SRL: variants seen among roughly 807,000 people sequenced by gnomAD.
SRL encodes sarcalumenin.
In SRL, 23 loss-of-function variants were observed where a neutral mutation model predicts 39.5. The observed-to-expected ratio is 0.58, with a 90% CI of 0.42 to 0.82. The LOEUF is 0.82. SRL is among the 40% of genes least tolerant of loss of function. The pLI is 0.00. For missense variants in SRL, 592 were observed against 607.8 expected (o/e 0.97, Z 0.27); for synonymous variants, 272 against 237.4 (o/e 1.15, Z -1.34).
intron 1 of SRL, among the ~76,000 whole-genome samples, chr16:4,230,678 A>T (rs374224173): frequency 4.6e-5 from 7 of 151,740 alleles, no homozygotes; most frequent in South Asian, 4.2e-4. Flanking sequence ...GTGAGCCACC[A>T]CACCCAGGAA....
At chr16:4,203,418 A>T (rs7185110) in intron 2 of SRL, among the ~76,000 whole-genome samples, 157 bp from the exon 3 acceptor site, 16,760 of 152,178 alleles carry the variant, frequency 0.11, 2,822 homozygotes, top group African/African-American at 0.36. Flanking sequence ...GTATTTGCAT[A>T]TGGGGAGCTG....
intron 1 of SRL, among the ~76,000 whole-genome samples, chr16:4,227,841 G>A (rs1167392003): frequency 6.6e-6 from 1 of 152,176 alleles, no homozygotes; most frequent in Non-Finnish European, 1.5e-5. Flanking sequence ...CTGCTGAGTT[G>A]CAGGGCCTCC....
chr16:4,203,132 A>T, intron 3 of SRL, 34 bp downstream of exon 3: 1 of 1,593,800 alleles, frequency 6.3e-7, no homozygotes, highest in South Asian at 1.1e-5. Flanking sequence ...CCGTACCCGT[A>T]ATCTCAAGCC....
In SRL at chr16:4,233,705, T is replaced by C. The variant is rs7185837; in HGVS notation, c.61+8302A>G. Reference sequence around the variant, plus strand: ...ACAGGGCTGACAAGGGGCTGAGAGATGGGCCTCACAGGGAGGGACCCACAG... The same window carrying C: ...ACAGGGCTGACAAGGGGCTGAGAGACGGGCCTCACAGGGAGGGACCCACAG... On this transcript the variant is annotated intron_variant, in intron 1 of 5. Transcript: ENST00000399609. Among the ~76,000 whole-genome samples the C allele has an allele frequency of 2.1e-3, 315 of 152,240 alleles. 1 individual carries two copies. Among genetic ancestry groups the C allele is most frequent in the African/African-American group, 7.3e-3 (305 of 41,546 alleles).
chr16:4,210,913 G>A (rs935017895), intron 1 of SRL, among the ~76,000 whole-genome samples: 5 of 152,160 alleles, frequency 3.3e-5, no homozygotes, highest in Non-Finnish European at 5.9e-5. Flanking sequence ...GAGCCTGTTA[G>A]AGACGCAGAC....
At chr16:4,222,629 C>G (rs1006967935) in intron 1 of SRL, among the ~76,000 whole-genome samples, 3 of 152,134 alleles carry the variant, frequency 2.0e-5, no homozygotes, top group Non-Finnish European at 4.4e-5. Flanking sequence ...CTGCTAGAGG[C>G]TGGTGCCTGT....
Position 4,234,818 on chromosome 16 carries a change from T to C in SRL, c.61+7189A>G, listed in dbSNP as rs139413859. On this transcript the variant is annotated intron_variant, in intron 1 of 5. Coordinates refer to ENST00000399609, the MANE Select transcript of SRL (RefSeq NM_001098814.2). ...GGACCCAGAAGAGAAACCCCTGCTA[T>C]GTAGCTCAGTCCCTCTGCGCTCAGA... Among the ~76,000 whole-genome samples the C allele has an allele frequency of 5.1e-3, 771 of 152,328 alleles. 1 individual carries two copies. Among genetic ancestry groups the C allele is most frequent in the Non-Finnish European group, 7.7e-3 (523 of 68,032 alleles).
intron 1 of SRL, among the ~76,000 whole-genome samples, chr16:4,215,131 G>T (rs182914812): frequency 6.6e-6 from 1 of 152,156 alleles, no homozygotes. Context: ...ATAAGGACCC[G>T]AGAAGAGAAA....
chr16:4,234,233 A>G (rs552759526), intron 1 of SRL, among the ~76,000 whole-genome samples: 1 of 152,274 alleles, frequency 6.6e-6, no homozygotes, highest in South Asian at 2.1e-4. Flanking sequence ...GGCTCAAGCA[A>G]TCCTGCCGCC....
At chr16:4,204,852 G>A (rs1428248152) in intron 1 of SRL, among the ~76,000 whole-genome samples, 1 of 152,208 alleles carries the variant, frequency 6.6e-6, no homozygotes, top group African/African-American at 2.4e-5. Context: ...CTGGTCCACA[G>A]CTCAACCTGC....
At chr16:4,220,330 C>T (rs2052509977) in intron 1 of SRL, among the ~76,000 whole-genome samples, 1 of 136,038 alleles carries the variant, frequency 7.4e-6, no homozygotes, top group South Asian at 2.3e-4. Context: ...TGTGGTGGCA[C>T]ACAGCTACTC....
chr16:4,204,427 A>AGAT (rs1295683387), intron 2 of SRL, 106 bp downstream of exon 2: 9 of 1,070,478 alleles, frequency 8.4e-6, no homozygotes, highest in Admixed American at 1.9e-5. Flanking sequence ...CCGGCCTCCA[A>AGAT]GATACAGCCC....
chr16:4,197,665 G>A (rs951117132), intron 4 of SRL, 134 bp downstream of exon 4: 19 of 711,946 alleles, frequency 2.7e-5, no homozygotes, highest in African/African-American at 1.6e-4. Flanking sequence ...GGCCTCAAGT[G>A]ATCCACTGCC....
intron 1 of SRL, among the ~76,000 whole-genome samples, chr16:4,239,279 GA>G (rs1231682600): frequency 4.6e-5 from 7 of 152,334 alleles, no homozygotes; most frequent in African/African-American, 1.7e-4. Context: ...GGCACTCACA[GA>G]GGGGCAGCCC....
intron 5 of SRL, 120 bp from the exon 6 acceptor site, chr16:4,193,084 G>A: frequency 2.4e-6 from 2 of 839,826 alleles, no homozygotes; most frequent in Non-Finnish European, 3.6e-6. Flanking sequence ...GGATTTTCTG[G>A]GTTTCTACAG....
chr16:4,201,303 G>A (rs986139362), intron 3 of SRL, among the ~76,000 whole-genome samples: 2 of 151,898 alleles, frequency 1.3e-5, no homozygotes, highest in South Asian at 2.1e-4. Context: ...TTGAGATGGA[G>A]TCTCACTCTG....
chr16:4,194,347 C>G (rs1384028303), intron 5 of SRL, among the ~76,000 whole-genome samples: 1 of 152,204 alleles, frequency 6.6e-6, no homozygotes, highest in African/African-American at 2.4e-5. Flanking sequence ...TGGTTAAAAC[C>G]ACTCTGGTTT....
At chr16:4,193,766 TGAG>T (rs2052098056) in intron 5 of SRL, among the ~76,000 whole-genome samples, 2 of 152,018 alleles carry the variant, frequency 1.3e-5, no homozygotes, top group South Asian at 4.1e-4. Flanking sequence ...ATAAGAAAAC[TGAG>T]GAGATGAGGA....
At chr16:4,210,486 C>CTTTTTTTTTTTTTTTTTTTTTT (rs555999418) in intron 1 of SRL, among the ~76,000 whole-genome samples, 1 of 104,014 alleles carries the variant, frequency 9.6e-6, no homozygotes, top group African/African-American at 4.1e-5. Flanking sequence ...TTACTCATAT[C>CTTTTTTTTTTTTTTTTTTTTTT]TTTTTTTTTT....
Sources: gnomAD v4.1 joint callset for allele counts (sites outside exome capture counted in the v4.1 genomes callset) on GRCh38, gnomAD v4.1.1 for gene constraint, MANE v1.5 for transcripts, NCBI Gene and HGNC (gene_info 2026-07-23, HGNC 2026-07-21) for gene names.